DENND2B: variants seen among roughly 807,000 people sequenced by gnomAD.
DENND2B encodes DENN domain containing 2B.
A neutral mutation model predicts 116.0 loss-of-function variants in DENND2B; 32 were observed. That is an observed-to-expected ratio of 0.28 (90% CI 0.21 to 0.37). The LOEUF (loss-of-function observed/expected upper bound fraction) is 0.37. DENND2B is among the 10% of genes least tolerant of loss of function. The pLI is 1.00. For missense variants in DENND2B, 1,276 were observed against 1,477.7 expected, an observed-to-expected ratio of 0.86 and a Z score of 2.24; for synonymous variants, 588 against 583.9, an observed-to-expected ratio of 1.01 and a Z score of -0.10.
At chr11:8,899,840 T>C (rs911923840) in intron 1 of DENND2B, among the ~76,000 whole-genome samples, 1 of 152,192 alleles carries the variant, frequency 6.6e-6, no homozygotes, top group South Asian at 2.1e-4. Flanking sequence ...TCTCATAACT[T>C]CTTTAAAAGC....
intron 1 of DENND2B, among the ~76,000 whole-genome samples, chr11:8,806,459 T>C (rs2060843489): frequency 6.6e-6 from 1 of 152,068 alleles, no homozygotes; most frequent in Non-Finnish European, 1.5e-5. Flanking sequence ...CAGTTTTAGA[T>C]GAGAAGAGTA....
In DENND2B at chr11:8,830,237, C is replaced by G. The variant is rs879435172; in HGVS notation, c.-115+9073G>C. The stretch of plus-strand genomic sequence containing the variant: ...TGGCTCTGCTCTGCCACACCTACCC[C>G]TCCAAGGTAGATCATCGCCGTGACA... On this transcript the variant is annotated intron_variant, in intron 4 of 6. Coordinates refer to the DENND2B transcript ENST00000524757. Among the ~76,000 whole-genome samples the G allele has an allele frequency of 1.1e-3, 165 of 152,218 alleles. 1 individual carries two copies. Among genetic ancestry groups the G allele is most frequent in the Admixed American group, 7.2e-4 (11 of 15,284 alleles).
chr11:8,710,752 GGCACACACACACAC>G, intron 11 of DENND2B, 79 bp downstream of exon 11: 1 of 970,136 alleles, frequency 1.0e-6, no homozygotes, highest in Non-Finnish European at 1.4e-6. Flanking sequence ...ATTGCAGAAG[GGCACACACACACAC>G]ACACACACAC....
At chr11:8,838,829 A>G (rs2062524343) in intron 4 of DENND2B, among the ~76,000 whole-genome samples, 1 of 152,230 alleles carries the variant, frequency 6.6e-6, no homozygotes, top group African/African-American at 2.4e-5. Context: ...GCGGGAAAGG[A>G]ATTCTTAAAG....
chr11:8,876,467 A>G (rs2063842263), intron 2 of DENND2B, among the ~76,000 whole-genome samples: 1 of 152,184 alleles, frequency 6.6e-6, no homozygotes, highest in African/African-American at 2.4e-5. Context: ...AAGACAGGAT[A>G]CATCCAATCA....
At position 8,862,279 on chromosome 11, in the gene DENND2B, AAAG is replaced by A. The variant is rs992361458; in HGVS notation, c.-249-4846_-249-4844del. On this transcript the variant is annotated intron_variant, in intron 2 of 6. Coordinates refer to the DENND2B transcript ENST00000524757. ...AAGTGATAAGGGTTTCCAACAGAAC[AAAG>A]GTCCAAGTCAGTGAGGGGAAAAAGA... Among the ~76,000 whole-genome samples, 3 of 151,974 alleles carry A rather than the reference AAAG, an allele frequency of 2.0e-5. No homozygotes were observed. The Middle Eastern group carries it at 0.01, about 524-fold the overall frequency.
intron 13 of DENND2B, chr11:8,703,637 C>T (rs961925607): frequency 4.6e-5 from 7 of 152,312 alleles, no homozygotes; most frequent in Non-Finnish European, 8.8e-5. Context: ...AGTTCTCTCT[C>T]ATTGCCCCAT....
chr11:8,729,757 C>T (rs571248110), intron 3 of DENND2B, among the ~76,000 whole-genome samples, 193 bp downstream of exon 3: 6 of 152,316 alleles, frequency 3.9e-5, no homozygotes, highest in African/African-American at 1.4e-4. Flanking sequence ...CATTCCCACT[C>T]ATGTCCAAGT....
At chr11:8,876,794 G>C (rs776639945) in intron 2 of DENND2B, among the ~76,000 whole-genome samples, 1 of 151,458 alleles carries the variant, frequency 6.6e-6, no homozygotes, top group African/African-American at 2.4e-5. Context: ...AGGGAGAATT[G>C]CTTGAACTCC....
At position 8,850,846 on chromosome 11, in the gene DENND2B, T is replaced by TA. The variant is rs543282503; in HGVS notation, c.-156+6496dup. 1.8e-3 allele frequency among the ~76,000 whole-genome samples: 274 copies of TA among 152,078 alleles called. 6 individuals are homozygous for TA. The highest frequency in any genetic ancestry group is 6.5e-3 in the African/African-American group (269 of 41,490). On this transcript the variant is annotated intron_variant, in intron 3 of 6. Coordinates refer to the DENND2B transcript ENST00000524757. ...CACACAATGGAATACTATTCAGCTA[T>TA]AAAAAAAGAAGGAAATCTTGTCACT...
intron 1 of DENND2B, among the ~76,000 whole-genome samples, chr11:8,893,277 C>G (rs1379717479): frequency 6.6e-6 from 1 of 152,180 alleles, no homozygotes; most frequent in South Asian, 2.1e-4. Flanking sequence ...TATGACAAAC[C>G]CACAGCCAAT....
chr11:8,853,420 C>T (rs143111551), intron 3 of DENND2B, among the ~76,000 whole-genome samples: 235 of 152,272 alleles, frequency 1.5e-3, no homozygotes, highest in African/African-American at 5.1e-3. Flanking sequence ...TTAGCCTCCG[C>T]TGCCAAGTGA....
intron 4 of DENND2B, among the ~76,000 whole-genome samples, chr11:8,827,292 C>G (rs1294794316): frequency 6.6e-6 from 1 of 152,130 alleles, no homozygotes; most frequent in Non-Finnish European, 1.5e-5. Flanking sequence ...GACTACTGTC[C>G]CCCGCACAGC....
At position 8,729,976 on chromosome 11, in the gene DENND2B, C is replaced by G. The variant is rs1162983905; in HGVS notation, c.1314G>C (p.Met438Ile). Reference protein sequence around the residue: ...PPVTRRPKKDMRGHRKSQSRK... With the variant: ...PPVTRRPKKDIRGHRKSQSRK... Reference sequence around the variant, plus strand: ...TGCTCTGGGACTTGCGGTGACCACGCATGTCCTTCTTGGGTCTCCGGGTGA... The same window carrying G: ...TGCTCTGGGACTTGCGGTGACCACGGATGTCCTTCTTGGGTCTCCGGGTGA... Residue 438 changes from methionine to isoleucine, a missense_variant, in exon 3 of 20, where the codon ATG becomes ATC. Coordinates refer to ENST00000313726, the MANE Select transcript of DENND2B (RefSeq NM_213618.2). 1 of 1,614,012 alleles carries G rather than the reference C, an allele frequency of 6.2e-7. No individual in the cohort carries two copies. The highest frequency in any genetic ancestry group is 8.5e-7 in the Non-Finnish European group (1 of 1,180,012).
intron 4 of DENND2B, chr11:8,718,113 A>ACC (rs2045369180): frequency 2.2e-4 from 2 of 8,922 alleles, no homozygotes; most frequent in African/African-American, 7.4e-4. Context: ...CACCCCCCCC[A>ACC]ACCCCCCACC....
Position 8,708,304 on chromosome 11 carries a change from T to G in DENND2B, c.2353-450A>C, listed in dbSNP as rs117295970. On this transcript the variant is annotated intron_variant, in intron 11 of 19. Transcript: ENST00000313726. Reference sequence around the variant, plus strand: ...TCGGCATACCATTCCTTTTTTTGCTTCTTTTCTCCCTTTCTTGATCCACCT... The same window carrying G: ...TCGGCATACCATTCCTTTTTTTGCTGCTTTTCTCCCTTTCTTGATCCACCT... 0.01 allele frequency: 10,219 copies of G among 985,464 alleles called. 63 individuals are homozygous for G. The highest frequency in any genetic ancestry group is 0.012 in the Non-Finnish European group (9,753 of 829,924). The allele number at this position is 985,464 out of a possible 1,614,324, so 61.0% of individuals were successfully genotyped here.
chr11:8,731,037 G>C lies in DENND2B; in HGVS notation c.253C>G (p.Pro85Ala). ...PSPQNPQDPSPDTSPPTCPFK... is the reference protein window; with the variant it reads ...PSPQNPQDPSADTSPPTCPFK... ...GGACAGGTGGGTGGGGAAGTATCTG[G>C]GGAGGGATCTTGAGGATTCTGGGGT... The change falls in exon 3 of 20, where the codon CCA becomes GCA. Residue 85 changes from proline to alanine, a missense_variant. By Grantham distance (27) the Pro-to-Ala change is conservative. This residue lies in a region of DENND2B where 856 missense variants were observed against 846.6 expected (regional missense o/e 1.01). Coordinates refer to ENST00000313726, the MANE Select transcript of DENND2B (RefSeq NM_213618.2). 1 of 1,614,136 alleles carries C rather than the reference G, an allele frequency of 6.2e-7. No individual in the cohort carries two copies. Among genetic ancestry groups the C allele is most frequent in the South Asian group, 1.1e-5 (1 of 91,084 alleles).
At chr11:8,711,463 C>G (rs1044209356) in intron 9 of DENND2B, among the ~76,000 whole-genome samples, 1 of 152,148 alleles carries the variant, frequency 6.6e-6, no homozygotes, top group Admixed American at 6.5e-5. Context: ...TGCGCCAGGG[C>G]TCTTGGCTCT....
chr11:8,714,398 G>A lies in DENND2B; in HGVS notation c.1942+212C>T, dbSNP rs12420824. Among the ~76,000 whole-genome samples the A allele has an allele frequency of 4.9e-3, 744 of 152,328 alleles. 4 individuals are homozygous for A. Among genetic ancestry groups the A allele is most frequent in the Non-Finnish European group, 8.0e-3 (546 of 68,032 alleles). On this transcript the variant is annotated intron_variant, in intron 7 of 19. Coordinates refer to ENST00000313726, the MANE Select transcript of DENND2B (RefSeq NM_213618.2). ...AGTGAGTCTGGCCTTTCCTTTTGCA[G>A]AAGCCGATTCCCACACCCACCTCCC...
Sources: gnomAD v4.1 joint callset for allele counts (sites outside exome capture counted in the v4.1 genomes callset) on GRCh38, gnomAD v4.1.1 for gene constraint, gnomAD v4.1.1 regional missense constraint, MANE v1.5 for transcripts, NCBI Gene and HGNC (gene_info 2026-07-23, HGNC 2026-07-21) for gene names.